DMXL2: variants seen among roughly 807,000 people sequenced by gnomAD.
The protein encoded by DMXL2 is dmX-like protein 2.
DMXL2 carries 103 observed loss-of-function variants against 331.1 expected under a neutral mutation model. The ratio of observed to expected loss-of-function variants is 0.31; its 90% CI spans 0.27 to 0.37. DMXL2 has a LOEUF of 0.37. Ranked by LOEUF, DMXL2 falls within the 10% of genes least tolerant of loss-of-function variation. The pLI is 1.00. For synonymous variants in DMXL2, 1,281 were observed against 1,252.1 expected (o/e 1.02, Z -0.49); for missense variants, 3,171 against 3,642.9 (o/e 0.87, Z 3.33).
intron 5 of DMXL2, 22 bp from the exon 6 acceptor site, chr15:51,563,469 A>G: frequency 6.4e-7 from 1 of 1,566,368 alleles, no homozygotes; most frequent in Non-Finnish European, 8.7e-7. Context: ...AGAGTTAGGC[A>G]ATTAGCCCTT....
intron 13 of DMXL2, among the ~76,000 whole-genome samples, chr15:51,531,213 C>A (rs1213081439): frequency 6.6e-6 from 1 of 151,918 alleles, no homozygotes; most frequent in African/African-American, 2.4e-5. Context: ...AAAAGAGAAC[C>A]CAGACACAAA....
chr15:51,556,242 C>A (rs1426679513), intron 6 of DMXL2, among the ~76,000 whole-genome samples: 1 of 150,452 alleles, frequency 6.6e-6, no homozygotes, highest in Non-Finnish European at 1.5e-5. Context: ...ACTTGGGAGG[C>A]TGAGGCAGGA....
At chr15:51,553,473 T>C (rs1039990289) in intron 6 of DMXL2, among the ~76,000 whole-genome samples, 2 of 152,030 alleles carry the variant, frequency 1.3e-5, no homozygotes, top group East Asian at 1.9e-4. Flanking sequence ...CCCCGTTATA[T>C]GATAAAAAAA....
Position 51,498,872 on chromosome 15 carries a change from T to C in DMXL2, c.4352A>G (p.Lys1451Arg), listed in dbSNP as rs1199799521. 5 of 1,614,170 alleles carry C rather than the reference T, an allele frequency of 3.1e-6. No homozygotes were observed. The highest frequency in any genetic ancestry group is 4.2e-6 in the Non-Finnish European group (5 of 1,180,000). The change falls in exon 18 of 44, where the codon AAG (lysine) becomes AGG (arginine). Residue 1451 changes from lysine (K) to arginine (R), a missense_variant. Lys to Arg is a conservative substitution (Grantham distance 26). This residue lies in a region of DMXL2 where 1,674 missense variants were observed against 1,780.2 expected (regional missense o/e 0.94). Transcript: ENST00000560891. ...TSYRISEEST[K>R]IPQSYEDQTV... Reference sequence around the variant, plus strand: ...CTGATCTTCATAGCTCTGTGGTATCTTTGTACTTTCTTCTGAAATTCTGTA... The same window carrying C: ...CTGATCTTCATAGCTCTGTGGTATCCTTGTACTTTCTTCTGAAATTCTGTA...
intron 6 of DMXL2, among the ~76,000 whole-genome samples, chr15:51,560,283 C>A (rs567204822): frequency 6.6e-6 from 1 of 151,782 alleles, no homozygotes; most frequent in Admixed American, 6.6e-5. Flanking sequence ...TATTTACAGA[C>A]GAATGACATC....
chr15:51,586,319 C>T (rs899620893), intron 1 of DMXL2, among the ~76,000 whole-genome samples: 1 of 152,010 alleles, frequency 6.6e-6, no homozygotes, highest in Admixed American at 6.5e-5. Context: ...AGTAGAAAAA[C>T]GCAAAGCTGT....
intron 13 of DMXL2, 43 bp downstream of exon 13, chr15:51,535,616 ATTCT>A: frequency 1.3e-6 from 2 of 1,514,182 alleles, no homozygotes; most frequent in East Asian, 2.3e-5. Flanking sequence ...TCAAAAGAGA[ATTCT>A]TTATCTCCTT....
chr15:51,496,973 T>C (rs1475256130), intron 18 of DMXL2, among the ~76,000 whole-genome samples: 1 of 152,220 alleles, frequency 6.6e-6, no homozygotes, highest in African/African-American at 2.4e-5. Flanking sequence ...GGATACACTA[T>C]TTCTATATTG....
Position 51,458,856 on chromosome 15 carries a change from C to A in DMXL2, c.7990-61G>T, listed in dbSNP as rs1004752380. ...GCACAGCTCTATTTAGAGTTATGCA[C>A]ATCCCATAAGATTTAAATGTAGGAT... On this transcript the variant is annotated intron_variant, in intron 34 of 43. Coordinates refer to ENST00000560891, the MANE Select transcript of DMXL2 (RefSeq NM_001378457.1). 6 of 1,354,166 alleles carry A rather than the reference C, an allele frequency of 4.4e-6. No individual in the cohort carries two copies. In the African/African-American group the frequency reaches 7.2e-5, roughly 16 times the overall value. 83.9% of individuals were successfully genotyped at this position (1,354,166 alleles called of 1,614,324 possible).
chr15:51,481,602 G>A lies in DMXL2; in HGVS notation c.5504C>T (p.Pro1835Leu), dbSNP rs766805826. Reference sequence around the variant, plus strand: ...GTAGTTATAAAAACTAAATGCCACCGGGTTACAAGACTTGATGATAACTAT... The same window carrying A: ...GTAGTTATAAAAACTAAATGCCACCAGGTTACAAGACTTGATGATAACTAT... ...EHQVIIKSCN[P>L]VAFSFYNYLR... The change falls in exon 24 of 44, where the codon CCG (proline) becomes CTG (leucine). Residue 1835 changes from proline (P) to leucine (L), a missense_variant. Physicochemically the swap from Pro to Leu is moderately conservative, Grantham distance 98 (BLOSUM62 -3). Transcript: ENST00000560891. 11 of 1,560,134 alleles carry A rather than the reference G, an allele frequency of 7.1e-6. No homozygotes were observed. The highest frequency in any genetic ancestry group is 1.7e-4 in the Middle Eastern group (1 of 5,798).
At chr15:51,557,676 A>G (rs1000567067) in intron 6 of DMXL2, among the ~76,000 whole-genome samples, 41 of 152,204 alleles carry the variant, frequency 2.7e-4, no homozygotes, top group Admixed American at 6.5e-5. Context: ...TCATACAAGG[A>G]AAGACCAATG....
At chr15:51,598,979 T>C (rs549504088) in intron 1 of DMXL2, among the ~76,000 whole-genome samples, 1 of 152,386 alleles carries the variant, frequency 6.6e-6, no homozygotes, top group Admixed American at 6.5e-5. Context: ...AATTCCATCG[T>C]TGCATCATTT....
At chr15:51,509,121 C>G (rs989751104) in intron 15 of DMXL2, among the ~76,000 whole-genome samples, 2 of 151,786 alleles carry the variant, frequency 1.3e-5, no homozygotes, top group Non-Finnish European at 2.9e-5. Flanking sequence ...AGCTAACTTC[C>G]ACTGTACAGG....
At chr15:51,617,123 T>C (rs2054335465) in intron 1 of DMXL2, among the ~76,000 whole-genome samples, 1 of 152,150 alleles carries the variant, frequency 6.6e-6, no homozygotes, top group Non-Finnish European at 1.5e-5. Flanking sequence ...CTGTGCTCTT[T>C]CAGATAATTA....
At chr15:51,606,419 T>C (rs1457561409) in intron 1 of DMXL2, among the ~76,000 whole-genome samples, 5 of 152,158 alleles carry the variant, frequency 3.3e-5, no homozygotes, top group African/African-American at 1.2e-4. Context: ...GGTCTCGAAC[T>C]CCTGACCTCA....
chr15:51,483,832 A>C (rs2042195933), intron 23 of DMXL2, among the ~76,000 whole-genome samples: 1 of 151,802 alleles, frequency 6.6e-6, no homozygotes, highest in Non-Finnish European at 1.5e-5. Context: ...CAGCCTGGTC[A>C]AACAGCCCTG....
At chr15:51,477,399 A>G (rs991120271) in intron 26 of DMXL2, among the ~76,000 whole-genome samples, 1 of 152,012 alleles carries the variant, frequency 6.6e-6, no homozygotes, top group Admixed American at 6.5e-5. Flanking sequence ...GACATCAAAC[A>G]AGTTATCTTT....
At chr15:51,591,890 G>A (rs1271425307) in intron 1 of DMXL2, among the ~76,000 whole-genome samples, 1 of 152,144 alleles carries the variant, frequency 6.6e-6, no homozygotes, top group Admixed American at 6.5e-5. Context: ...AAACAGAAAG[G>A]ACATCCACAC....
chr15:51,479,936 AC>A lies in DMXL2; in HGVS notation c.6756+11del, dbSNP rs1429845350. 2 of 1,474,598 alleles carry A rather than the reference AC, an allele frequency of 1.4e-6. No individual in the cohort carries two copies. Among genetic ancestry groups the A allele is most frequent in the Non-Finnish European group, 1.8e-6 (2 of 1,099,054 alleles). The allele number at this position is 1,474,598 out of a possible 1,614,324, so 91.3% of individuals were successfully genotyped here. ...GGTGTATAATATCAAATGATCATAA[AC>A]TTTACATTACCTTCACATCTTCAAT... On this transcript the variant is annotated intron_variant, in intron 25 of 43. Transcript: ENST00000560891.
Sources: gnomAD v4.1 joint callset for allele counts (sites outside exome capture counted in the v4.1 genomes callset) on GRCh38, gnomAD v4.1.1 for gene constraint, gnomAD v4.1.1 regional missense constraint, MANE v1.5 for transcripts, NCBI Gene and HGNC (gene_info 2026-07-23, HGNC 2026-07-21) for gene names.